OBSL1: variants seen among roughly 807,000 people sequenced by gnomAD.
The protein encoded by OBSL1 is obscurin like cytoskeletal adaptor 1.
In OBSL1, 160 loss-of-function variants were observed where a neutral mutation model predicts 172.0. The ratio of observed to expected loss-of-function variants is 0.93; its 90% CI spans 0.82 to 1.06. The LOEUF (loss-of-function observed/expected upper bound fraction) is 1.06, where lower values mean the gene tolerates loss of function less well. OBSL1 is among the 50% of genes least tolerant of loss of function. OBSL1 has a pLI of 0.00. For synonymous variants in OBSL1, 1,200 were observed against 1,196.3 expected (o/e 1.00, Z -0.06); for missense variants, 2,681 against 2,715.4 (o/e 0.99, Z 0.28).
chr2:219,555,773 T>G, intron 14 of OBSL1: 1 of 1,369,390 alleles, frequency 7.3e-7, no homozygotes, highest in Non-Finnish European at 9.4e-7. Flanking sequence ...TGGAGAATAT[T>G]TGTGTTTATA....
chr2:219,562,664 C>T lies in OBSL1; in HGVS notation c.2691G>A (p.Ser897=), dbSNP rs778830903. 1.2e-5 allele frequency: 18 copies of T among 1,550,608 alleles called. No homozygotes were observed. The highest frequency in any genetic ancestry group is 5.9e-5 in the South Asian group (5 of 84,640). Reference sequence around the variant, plus strand: ...CCTTGCCGCTGGGATACACGATCCACGAGGAGACGTCTGGAGGACAGGGAC... The same window carrying T: ...CCTTGCCGCTGGGATACACGATCCATGAGGAGACGTCTGGAGGACAGGGAC... The part of the protein sequence containing the change: ...YFTVTITDVS[S]WIVYPSGKVY... Residue 897 remains serine, a synonymous_variant, in exon 8 of 21, where the codon TCG becomes TCA. Coordinates refer to ENST00000404537, the MANE Select transcript of OBSL1 (RefSeq NM_015311.3).
At chr2:219,567,616 C>T in intron 3 of OBSL1, 41 bp from the exon 4 acceptor site, 1 of 1,593,152 alleles carries the variant, frequency 6.3e-7, no homozygotes, top group Non-Finnish European at 8.6e-7. Flanking sequence ...TTGCTTGGGC[C>T]TCCACAGCCC....
intron 14 of OBSL1, chr2:219,555,303 C>A (rs1179862016): frequency 6.5e-6 from 1 of 153,368 alleles, no homozygotes; most frequent in Non-Finnish European, 1.5e-5. Flanking sequence ...GGGATCAACC[C>A]CATTTTTAAA....
At position 219,559,206 on chromosome 2, in the gene OBSL1, T is replaced by C. The variant is rs375793670; in HGVS notation, c.3226+19A>G. On this transcript the variant is annotated intron_variant, in intron 9 of 20. Transcript: ENST00000404537. ...CCCCTACCTCTCTACCTCCTCTCTG[T>C]GCTGCAGAGACTGCCCACCTGTGAC... 7 of 1,583,972 alleles carry C rather than the reference T, an allele frequency of 4.4e-6. No homozygotes were observed. The African/African-American group carries it at 9.4e-5, about 21-fold the overall frequency.
intron 4 of OBSL1, 39 bp downstream of exon 4, chr2:219,567,234 G>C: frequency 1.3e-6 from 2 of 1,566,796 alleles, no homozygotes; most frequent in Non-Finnish European, 1.7e-6. Context: ...CTGGGGAAGG[G>C]AGGAGAAGTG....
intron 20 of OBSL1, 117 bp downstream of exon 20, chr2:219,551,412 C>CGTATCCCAG: frequency 7.4e-7 from 1 of 1,342,916 alleles, no homozygotes; most frequent in South Asian, 1.5e-5. Flanking sequence ...CCACCTCCTA[C>CGTATCCCAG]GTATCCCAGG....
rs1473174372 is a variant in OBSL1, at chr2:219,570,288, C to T, written c.945G>A (p.Gly315=). 6.2e-7 allele frequency: 1 copy of T among 1,608,560 alleles called. No homozygotes were observed. The highest frequency in any genetic ancestry group is 1.7e-5 in the Admixed American group (1 of 59,842). The change falls in exon 1 of 21, where the codon GGG becomes GGA. Residue 315 remains glycine, a synonymous_variant. Coordinates refer to ENST00000404537, the MANE Select transcript of OBSL1 (RefSeq NM_015311.3). ...AGTTGCGCGCGGCGCAGACGTAGAG[C>T]CCACGATCCTTGGCCTGGCAGTAAA... The part of the protein sequence containing the change: ...KVLYCQAKDR[G]LYVCAARNSA...
At position 219,556,077 on chromosome 2, in the gene OBSL1, C is replaced by T. The variant is rs779345675; in HGVS notation, c.4552G>A (p.Gly1518Ser). ...TGGTGGCTCTCGCAGCCGTAGGTGCCCTGGTCGGCCAGTATGACACCATGG... is the reference window on the plus strand; with the variant it reads ...TGGTGGCTCTCGCAGCCGTAGGTGCTCTGGTCGGCCAGTATGACACCATGG... ...FIHGVILADQGTYGCESHHDR... is the reference protein window; with the variant it reads ...FIHGVILADQSTYGCESHHDR... The change falls in exon 14 of 21, where the codon GGC becomes AGC. Residue 1518 changes from glycine (G) to serine (S), a missense_variant. Physicochemically the swap from Gly to Ser is moderately conservative, Grantham distance 56. Around this residue, in one of 5 missense-constraint regions of OBSL1, gnomAD observed 1,765 missense variants for 1,748.3 expected, o/e 1.01. Transcript: ENST00000404537. 4.3e-6 allele frequency: 7 copies of T among 1,613,722 alleles called. No individual in the cohort carries two copies. The highest frequency in any genetic ancestry group is 4.0e-5 in the African/African-American group (3 of 74,922).
chr2:219,552,147 C>G lies in OBSL1; in HGVS notation c.5378G>C (p.Gly1793Ala), dbSNP rs1231550002. 2 of 1,611,942 alleles carry G rather than the reference C, an allele frequency of 1.2e-6. No homozygotes were observed. Among genetic ancestry groups the G allele is most frequent in the Non-Finnish European group, 8.5e-7 (1 of 1,179,398 alleles). Residue 1793 changes from glycine to alanine, a missense_variant, in exon 19 of 21, where the codon GGG becomes GCG. This residue lies in a region of OBSL1 where 1,765 missense variants were observed against 1,748.3 expected (regional missense o/e 1.01). Transcript: ENST00000404537. Reference sequence around the variant, plus strand: ...CAGTAGAGCCAGGGACTGGGCGGGCCCCGCCTGGAAGCGGACTTCACCGGC... The same window carrying G: ...CAGTAGAGCCAGGGACTGGGCGGGCGCCGCCTGGAAGCGGACTTCACCGGC... ...EDAGEVRFQA[G>A]PAQSLALLEV...
At position 219,571,422 on chromosome 2, in the gene OBSL1, G is replaced by C. The variant is rs886055673; in HGVS notation, c.-190C>G. The C allele has an allele frequency of 3.0e-6, 1 of 336,202 alleles. No homozygotes were observed. 20.8% of individuals were successfully genotyped at this position (336,202 alleles called of 1,614,324 possible). Reference sequence around the variant, plus strand: ...CGGCCCCGAGCTGCAGCTCTGCGGCGGCGGCGGCGGCGATTCCCGGGCCCG... The same window carrying C: ...CGGCCCCGAGCTGCAGCTCTGCGGCCGCGGCGGCGGCGATTCCCGGGCCCG... On this transcript the variant is annotated 5_prime_UTR_variant, in exon 1 of 21. Coordinates refer to ENST00000404537, the MANE Select transcript of OBSL1 (RefSeq NM_015311.3).
Position 219,570,256 on chromosome 2 carries a change from C to G in OBSL1, c.977G>C (p.Gly326Ala), listed in dbSNP as rs948850433. 4 of 1,588,548 alleles carry G rather than the reference C, an allele frequency of 2.5e-6. No homozygotes were observed. In the African/African-American group the frequency reaches 5.4e-5, roughly 21 times the overall value. The change falls in exon 1 of 21, where the codon GGC becomes GCC. Residue 326 changes from glycine (G) to alanine (A), a missense_variant. This residue lies in a region of OBSL1 where 706 missense variants were observed against 695.8 expected (regional missense o/e 1.01). Transcript: ENST00000404537. ...LYVCAARNSA[G>A]QTLSAVQLHV... ...CAGCTGCACGGCACTGAGCGTCTGG[C>G]CCGCCGAGTTGCGCGCGGCGCAGAC...
chr2:219,561,162 G>T (rs1432801277), intron 8 of OBSL1, among the ~76,000 whole-genome samples: 1 of 152,080 alleles, frequency 6.6e-6, no homozygotes, highest in East Asian at 1.9e-4. Context: ...AGGAGCAGGG[G>T]GGCCCTAAAC....
In OBSL1 at chr2:219,558,458, G is replaced by A. The variant is rs772052550; in HGVS notation, c.3228C>T (p.Ala1076=). Residue 1076 remains alanine, a splice_region_variant and synonymous_variant, in exon 10 of 21, where the codon GCC becomes GCT. Coordinates refer to ENST00000404537, the MANE Select transcript of OBSL1 (RefSeq NM_015311.3). ...CCGGGTGCACAATCCTCTCTGGTGG[G>A]GCTGGTGGGTGGGCATGGAGAGGGG... The part of the protein sequence containing the change: ...DSAFFTVTVT[A]PPERIVHPAA... The A allele has an allele frequency of 9.5e-6, 15 of 1,573,034 alleles. No homozygotes were observed. The African/African-American group carries it at 1.3e-4, about 14-fold the overall frequency.
In OBSL1 at chr2:219,557,496, C is replaced by A; in HGVS notation, c.3913G>T (p.Asp1305Tyr). The A allele has an allele frequency of 6.4e-7, 1 of 1,553,502 alleles. No individual in the cohort carries two copies. ...CCCTGGCTTGCCAGTCGCTCCCCGT[C>A]CTTGTACCAGCGTACAGGGCCCCCT... ...GPGGPVRWYK[D>Y]GERLASQGRV... is the part of the protein sequence containing the mutation. Residue 1305 changes from aspartate to tyrosine, a missense_variant, in exon 12 of 21, where the codon GAC becomes TAC. By Grantham distance (160) the Asp-to-Tyr change is radical (BLOSUM62 -3). Around this residue, in one of 5 missense-constraint regions of OBSL1, gnomAD observed 1,765 missense variants for 1,748.3 expected, o/e 1.01. Coordinates refer to ENST00000404537, the MANE Select transcript of OBSL1 (RefSeq NM_015311.3).
In OBSL1 at chr2:219,568,067, C is replaced by A; in HGVS notation, c.1270G>T (p.Val424Phe). 1 of 1,609,764 alleles carries A rather than the reference C, an allele frequency of 6.2e-7. No homozygotes were observed. Among genetic ancestry groups the A allele is most frequent in the Non-Finnish European group, 8.5e-7 (1 of 1,176,534 alleles). The change falls in exon 2 of 21, where the codon GTC (valine) becomes TTC (phenylalanine). Residue 424 changes from valine to phenylalanine, a missense_variant. Transcript: ENST00000404537. The surrounding 1 kb of genome is among the most constrained non-coding windows in gnomAD (Gnocchi z 4.1). ...CGGGCCAGCTGACCTTTGACTGTGACGTTGGCCACGGTGCGCACCCGGCCC... is the reference window on the plus strand; with the variant it reads ...CGGGCCAGCTGACCTTTGACTGTGAAGTTGGCCACGGTGCGCACCCGGCCC... The part of the protein sequence containing the change: ...MRGRVRTVAN[V>F]TVKGPILKRL...
At chr2:219,565,196 A>G in intron 6 of OBSL1, 46 bp downstream of exon 6, 2 of 1,552,298 alleles carry the variant, frequency 1.3e-6, no homozygotes, top group Non-Finnish European at 1.7e-6. Context: ...ATGCGGCCCC[A>G]CAATCAGCCT....
At chr2:219,565,611 TA>T in intron 5 of OBSL1, 97 bp from the exon 6 acceptor site, 3 of 1,276,142 alleles carry the variant, frequency 2.4e-6, no homozygotes, top group South Asian at 2.8e-5. Context: ...TTGGGGTTTT[TA>T]AAAATAGGCT....
chr2:219,551,938 C>T (rs1406390289), intron 19 of OBSL1, 140 bp from the exon 20 acceptor site: 1 of 879,590 alleles, frequency 1.1e-6, no homozygotes, highest in Admixed American at 2.4e-5. Flanking sequence ...ACCTCAGACC[C>T]AAAGTCTCCT....
chr2:219,552,684 C>G lies in OBSL1; in HGVS notation c.5160G>C (p.Ala1720=), dbSNP rs751432671. The G allele has an allele frequency of 1.3e-6, 2 of 1,529,794 alleles. No homozygotes were observed. The highest frequency in any genetic ancestry group is 8.8e-7 in the Non-Finnish European group (1 of 1,140,820). 94.8% of individuals were successfully genotyped at this position (1,529,794 alleles called of 1,614,324 possible). The change falls in exon 18 of 21, where the codon GCG becomes GCC. Residue 1720 remains alanine, a synonymous_variant. Coordinates refer to ENST00000404537, the MANE Select transcript of OBSL1 (RefSeq NM_015311.3). The part of the protein sequence containing the change: ...VRLTVRERTV[A]VLSELRSVSA... The stretch of plus-strand genomic sequence containing the variant: ...TCACCGACCGCAGCTCGGAGAGTAC[C>G]GCCACAGTACGCTCTGGGGCGGAGC...
Sources: allele counts gnomAD v4.1 joint callset (sites outside exome capture counted in the v4.1 genomes callset), GRCh38; gene constraint gnomAD v4.1.1; regional missense constraint gnomAD v4.1.1; non-coding constraint Gnocchi (gnomAD v3.1); transcripts MANE v1.5; gene names NCBI Gene and HGNC (gene_info 2026-07-23, HGNC 2026-07-21).